Variants in CCSER1 observed in about 807,000 individuals in gnomAD.
CCSER1 encodes serine-rich coiled-coil domain-containing protein 1.
In CCSER1, 41 loss-of-function variants were observed where a neutral mutation model predicts 82.0. That is an observed-to-expected ratio of 0.50 (90% CI 0.39 to 0.65). The LOEUF is 0.65. Among genes scored for constraint, CCSER1 ranks in the 30% least tolerant of loss-of-function variants. The pLI is 0.00. For missense variants in CCSER1, 1,119 were observed against 1,064.2 expected (o/e 1.05, Z -0.72); for synonymous variants, 414 against 383.9 (o/e 1.08, Z -0.92).
At chr4:91,056,250 G>A (rs542130808) in intron 9 of CCSER1, among the ~76,000 whole-genome samples, 1 of 152,004 alleles carries the variant, frequency 6.6e-6, no homozygotes, top group East Asian at 1.9e-4. Flanking sequence ...TTTGTTATAT[G>A]CTATCTTAGT....
At chr4:90,793,548 C>A (rs1416142051) in intron 7 of CCSER1, among the ~76,000 whole-genome samples, 1 of 144,354 alleles carries the variant, frequency 6.9e-6, no homozygotes, top group Non-Finnish European at 1.6e-5. Context: ...GTTTATATAC[C>A]ACATTTTTTC....
intron 9 of CCSER1, among the ~76,000 whole-genome samples, chr4:91,004,968 G>A (rs771468970): frequency 6.6e-6 from 1 of 152,064 alleles, no homozygotes; most frequent in Non-Finnish European, 1.5e-5. Flanking sequence ...AGGGAGAGTG[G>A]GAGCTTAGCA....
intron 7 of CCSER1, among the ~76,000 whole-genome samples, chr4:90,800,547 C>G (rs1756669981): frequency 6.6e-6 from 1 of 152,196 alleles, no homozygotes; most frequent in Non-Finnish European, 1.5e-5. Flanking sequence ...TCAAGAGACT[C>G]TCACAACCTC....
chr4:91,299,610 C>G (rs1744502095), intron 10 of CCSER1, among the ~76,000 whole-genome samples: 1 of 151,812 alleles, frequency 6.6e-6, no homozygotes, highest in African/African-American at 2.4e-5. Context: ...TATTTGGTAC[C>G]AGCCATACAG....
intron 9 of CCSER1, among the ~76,000 whole-genome samples, chr4:90,999,837 A>C (rs760051121): frequency 9.6e-5 from 14 of 146,494 alleles, no homozygotes; most frequent in Non-Finnish European, 1.8e-4. Context: ...CCTAATCATA[A>C]ATTTTTTTCT....
intron 10 of CCSER1, among the ~76,000 whole-genome samples, chr4:91,217,435 G>A (rs1367006632): frequency 6.6e-6 from 1 of 152,144 alleles, no homozygotes; most frequent in Non-Finnish European, 1.5e-5. Context: ...GGTTCTCCAA[G>A]GCCCCACCAG....
intron 1 of CCSER1, among the ~76,000 whole-genome samples, chr4:90,262,166 C>T (rs1228817198): frequency 2.0e-5 from 3 of 151,978 alleles, no homozygotes; most frequent in African/African-American, 7.2e-5. Flanking sequence ...TATTAAAGAA[C>T]CCTGTTTTGT....
At chr4:90,883,378 A>T (rs964552578) in intron 8 of CCSER1, among the ~76,000 whole-genome samples, 4 of 152,058 alleles carry the variant, frequency 2.6e-5, no homozygotes, top group African/African-American at 9.7e-5. Flanking sequence ...ATTTAAATTC[A>T]GTTAAATTTT....
rs185090042 is a variant in CCSER1, at chr4:90,708,458, T to C, written c.1933-15456T>C. On this transcript the variant is annotated intron_variant, in intron 6 of 10. Transcript: ENST00000509176. ...ATATTTCTTTGCTAGGGAGAAAGGCTGGGAGTGTAACACTAGTAGAGCTTC... is the reference window on the plus strand; with the variant it reads ...ATATTTCTTTGCTAGGGAGAAAGGCCGGGAGTGTAACACTAGTAGAGCTTC... Among the ~76,000 whole-genome samples, 123 of 152,248 alleles carry C rather than the reference T, an allele frequency of 8.1e-4. 1 individual carries two copies. Among genetic ancestry groups the C allele is most frequent in the Admixed American group, 7.5e-3 (115 of 15,282 alleles).
intron 1 of CCSER1, among the ~76,000 whole-genome samples, chr4:90,158,203 C>G (rs911342820): frequency 6.6e-6 from 1 of 152,154 alleles, no homozygotes; most frequent in Admixed American, 6.5e-5. Context: ...TTTCGTGAAC[C>G]GCAAATGCTG....
intron 10 of CCSER1, among the ~76,000 whole-genome samples, chr4:91,213,547 A>G (rs954698760): frequency 1.3e-5 from 2 of 151,274 alleles, no homozygotes; most frequent in Non-Finnish European, 2.9e-5. Flanking sequence ...GTCCTCTGTA[A>G]AGTAGACATT....
intron 7 of CCSER1, among the ~76,000 whole-genome samples, chr4:90,798,247 T>C (rs1756307311): frequency 6.6e-6 from 1 of 152,260 alleles, no homozygotes; most frequent in African/African-American, 2.4e-5. Context: ...TGAGATTCTT[T>C]CCTTTTCTTG....
At chr4:91,332,098 GCTTTT>G (rs143666701) in intron 10 of CCSER1, among the ~76,000 whole-genome samples, 1 of 152,072 alleles carries the variant, frequency 6.6e-6, no homozygotes, top group East Asian at 1.9e-4. Context: ...TATTTGACAT[GCTTTT>G]CTTGTGTTGA....
chr4:90,821,089 C>T (rs1034524442), intron 8 of CCSER1, among the ~76,000 whole-genome samples: 2 of 152,122 alleles, frequency 1.3e-5, no homozygotes, highest in Non-Finnish European at 2.9e-5. Flanking sequence ...TTCTATTCCC[C>T]ACCCACTTAA....
At chr4:90,227,700 G>A (rs1315571178) in intron 1 of CCSER1, among the ~76,000 whole-genome samples, 3 of 152,158 alleles carry the variant, frequency 2.0e-5, no homozygotes, top group Non-Finnish European at 2.9e-5. Context: ...CTGCATTTTC[G>A]TCTGAGGTAC....
chr4:90,203,055 C>G (rs1445986886), intron 1 of CCSER1, among the ~76,000 whole-genome samples: 1 of 152,280 alleles, frequency 6.6e-6, no homozygotes, highest in Middle Eastern at 3.4e-3. Context: ...ACTTAACACT[C>G]ACAAGGTACA....
intron 5 of CCSER1, among the ~76,000 whole-genome samples, chr4:90,576,858 A>G (rs553570362): frequency 6.6e-6 from 1 of 152,140 alleles, no homozygotes; most frequent in Non-Finnish European, 1.5e-5. Context: ...GCATGAACCT[A>G]GGTTTTCAAC....
intron 10 of CCSER1, among the ~76,000 whole-genome samples, chr4:91,423,777 CA>C (rs1038314593): frequency 4.6e-5 from 7 of 151,856 alleles, no homozygotes; most frequent in African/African-American, 1.7e-4. Context: ...TCTAAGAAAA[CA>C]AAAGATAATA....
At chr4:90,241,014 A>G (rs1746732154) in intron 1 of CCSER1, among the ~76,000 whole-genome samples, 1 of 152,246 alleles carries the variant, frequency 6.6e-6, no homozygotes, top group Admixed American at 6.5e-5. Flanking sequence ...AATTAAAACC[A>G]TTTAAATCAC....
Sources: gnomAD v4.1 joint callset for allele counts (sites outside exome capture counted in the v4.1 genomes callset) on GRCh38, gnomAD v4.1.1 for gene constraint, MANE v1.5 for transcripts, NCBI Gene and HGNC (gene_info 2026-07-23, HGNC 2026-07-21) for gene names.